RBM39: variants seen among roughly 807,000 people sequenced by gnomAD.
The protein encoded by RBM39 is RNA binding motif protein 39.
RBM39 carries 12 observed loss-of-function variants against 79.6 expected under a neutral mutation model. That is an observed-to-expected ratio of 0.15 (90% CI 0.10 to 0.24). The LOEUF is 0.24. Ranked by LOEUF, RBM39 falls within the 10% of genes least tolerant of loss-of-function variation. The pLI is 1.00. For synonymous variants in RBM39, 185 were observed against 208.4 expected, an observed-to-expected ratio of 0.89 and a Z score of 0.97; for missense variants, 243 against 653.4, an observed-to-expected ratio of 0.37 and a Z score of 6.85.
intron 11 of RBM39, chr20:35,713,634 T>G (rs2036727282): frequency 1.8e-5 from 2 of 110,532 alleles, no homozygotes; most frequent in Admixed American, 2.8e-4. Flanking sequence ...AGAAACCCCA[T>G]CTCTTAAAAA....
chr20:35,711,202 A>T (rs137979994), intron 12 of RBM39, among the ~76,000 whole-genome samples: 130 of 152,236 alleles, frequency 8.5e-4, no homozygotes, highest in African/African-American at 2.9e-3. Context: ...ATCTTTCACC[A>T]CCCTTTAGTG....
rs552984754 is a variant in RBM39, at chr20:35,703,302, T to C, written c.*1179A>G. ...GTTAAGCCATTTTGTTAAGTATGTA[T>C]TGTAAATGGTGAAAATTTCTTCATA... is the stretch of plus-strand genomic sequence containing the variant. On this transcript the variant is annotated 3_prime_UTR_variant, in exon 17 of 17. Coordinates refer to ENST00000253363, the MANE Select transcript of RBM39 (RefSeq NM_184234.3). 12 of 152,320 alleles carry C rather than the reference T, an allele frequency of 7.9e-5. No homozygotes were observed. Among genetic ancestry groups the C allele is most frequent in the Admixed American group, 3.3e-4 (5 of 15,296 alleles). The allele number at this position is 152,320 out of a possible 1,614,324, so 9.4% of individuals were successfully genotyped here. A position where few individuals can be genotyped will look rare whatever the true frequency, so the allele number is the denominator to read the frequency against.
chr20:35,716,912 TAGA>T (rs2037200243), intron 9 of RBM39, 107 bp from the exon 10 acceptor site: 4 of 678,836 alleles, frequency 5.9e-6, no homozygotes, highest in African/African-American at 1.9e-5. Context: ...TCCTCCAAAA[TAGA>T]AGACTTATCA....
intron 1 of RBM39, 41 bp downstream of exon 1, chr20:35,741,900 G>T: frequency 6.0e-6 from 1 of 166,626 alleles, no homozygotes; most frequent in South Asian, 1.0e-4. Flanking sequence ...GCCAAACCTC[G>T]AGAAAGCTGA....
intron 3 of RBM39, among the ~76,000 whole-genome samples, chr20:35,737,848 CAAAAAAAAA>C (rs35300439): frequency 6.4e-4 from 26 of 40,440 alleles, no homozygotes; most frequent in African/African-American, 1.8e-3. Flanking sequence ...GACTCCGTGT[CAAAAAAAAA>C]AAAAAAAAAA....
chr20:35,717,896 T>G (rs1186583741), intron 9 of RBM39, among the ~76,000 whole-genome samples: 1 of 152,014 alleles, frequency 6.6e-6, no homozygotes, highest in South Asian at 2.1e-4. Flanking sequence ...TCTCGCTCTG[T>G]GGCGCAGGCT....
intron 6 of RBM39, among the ~76,000 whole-genome samples, chr20:35,726,853 A>G (rs1177980402): frequency 2.0e-5 from 3 of 151,968 alleles, no homozygotes; most frequent in Non-Finnish European, 2.9e-5. Context: ...TTGGAAACGC[A>G]GTCTAGCTGT....
At chr20:35,712,459 A>AAAAG (rs1555890288) in intron 12 of RBM39, among the ~76,000 whole-genome samples, 1 of 22,792 alleles carries the variant, frequency 4.4e-5, no homozygotes, top group African/African-American at 1.4e-4. Flanking sequence ...AAAAAAAAAA[A>AAAAG]GGGGGCGGGG....
chr20:35,726,340 C>T (rs2146642558), intron 6 of RBM39, among the ~76,000 whole-genome samples: 1 of 151,130 alleles, frequency 6.6e-6, no homozygotes, highest in East Asian at 2.0e-4. Context: ...ACTGTGTTAG[C>T]CAGGATGGTC....
rs558534034 is a variant in RBM39 at position 35,737,295 on chromosome 20, C to T, written c.101+1673G>A. ...ATCCCAGCTGCTCGGGAGGCTGAGG[C>T]GGAAGAATCGCTTAAGCCCGGGTGG... On this transcript the variant is annotated intron_variant, in intron 3 of 16. Coordinates refer to ENST00000253363, the MANE Select transcript of RBM39 (RefSeq NM_184234.3). Among the ~76,000 whole-genome samples the T allele has an allele frequency of 4.7e-5, 7 of 150,346 alleles. No individual in the cohort carries two copies. The South Asian group carries it at 8.4e-4, about 18-fold the overall frequency.
chr20:35,725,285 T>C lies in RBM39; in HGVS notation c.417-130A>G, dbSNP rs1281198605. 24 of 602,544 alleles carry C rather than the reference T, an allele frequency of 4.0e-5. No homozygotes were observed. In the East Asian group the frequency reaches 6.9e-4, roughly 17 times the overall value. 37.3% of individuals were successfully genotyped at this position (602,544 alleles called of 1,614,324 possible). The stretch of plus-strand genomic sequence containing the variant: ...GGTTTTGGTTACATAGATGAGTTCT[T>C]TAATGGTGAATTCTGAGATTTTAGT... On this transcript the variant is annotated intron_variant, in intron 6 of 16. Coordinates refer to ENST00000253363, the MANE Select transcript of RBM39 (RefSeq NM_184234.3).
At chr20:35,733,227 C>T (rs951921233) in intron 3 of RBM39, among the ~76,000 whole-genome samples, 5 of 151,310 alleles carry the variant, frequency 3.3e-5, no homozygotes, top group South Asian at 2.1e-4. Context: ...TGCTTGAACC[C>T]GGGAGGTGGA....
chr20:35,705,099 C>A (rs2035556674), intron 15 of RBM39, 126 bp downstream of exon 15: 4 of 668,644 alleles, frequency 6.0e-6, no homozygotes, highest in African/African-American at 3.8e-5. Context: ...ATTAAAGCTA[C>A]TTTCAGGCAC....
rs2035363870 is a variant in RBM39 at position 35,703,169 on chromosome 20, A to G, written c.*1312T>C. 1 of 152,210 alleles carries G rather than the reference A, an allele frequency of 6.6e-6. No homozygotes were observed. Among genetic ancestry groups the G allele is most frequent in the Non-Finnish European group, 1.5e-5 (1 of 68,038 alleles). The allele number at this position is 152,210 out of a possible 1,614,324, so 9.4% of individuals were successfully genotyped here. On this transcript the variant is annotated 3_prime_UTR_variant, in exon 17 of 17. Coordinates refer to ENST00000253363, the MANE Select transcript of RBM39 (RefSeq NM_184234.3). The stretch of plus-strand genomic sequence containing the variant: ...TGAAGAGAATTGAGTATAAATGGTG[A>G]CAGCTTGCTTCCCAACTAGTATGAA...
chr20:35,738,331 G>T (rs2040193678), intron 3 of RBM39, among the ~76,000 whole-genome samples: 1 of 152,052 alleles, frequency 6.6e-6, no homozygotes, highest in Non-Finnish European at 1.5e-5. Context: ...TTCGTACACT[G>T]TTTTCTGTAC....
chr20:35,707,246 A>C (rs773595306), intron 13 of RBM39, 45 bp from the exon 14 acceptor site: 1 of 1,401,572 alleles, frequency 7.1e-7, no homozygotes, highest in East Asian at 2.3e-5. Flanking sequence ...AAATGCATGA[A>C]AGTATCCCTC....
chr20:35,740,897 G>GA lies in RBM39; in HGVS notation c.-13-11dup. 1 of 1,590,978 alleles carries GA rather than the reference G, an allele frequency of 6.3e-7. No individual in the cohort carries two copies. Among genetic ancestry groups the GA allele is most frequent in the Non-Finnish European group, 8.6e-7 (1 of 1,163,676 alleles). ...CATTTTCTCTAAACGCCTAGGAAGA[G>GA]AACAAGACAATTTCTTGAGTAAACA... is the stretch of plus-strand genomic sequence containing the variant. On this transcript the variant is annotated splice_polypyrimidine_tract_variant and intron_variant, in intron 1 of 16. Transcript: ENST00000253363.
chr20:35,733,792 C>T (rs567106129), intron 3 of RBM39, among the ~76,000 whole-genome samples: 3 of 152,182 alleles, frequency 2.0e-5, no homozygotes, highest in Non-Finnish European at 4.4e-5. Flanking sequence ...TCAACTTGAC[C>T]TTCACAGACC....
Position 35,702,819 on chromosome 20 carries a change from CTG to C in RBM39, c.*1660_*1661del, listed in dbSNP as rs145073134. 0.029 allele frequency: 4,486 copies of C among 152,260 alleles called. 100 individuals carry two copies. The highest frequency in any genetic ancestry group is 0.053 in the Admixed American group (814 of 15,284). The allele number at this position is 152,260 out of a possible 1,614,324, so 9.4% of individuals were successfully genotyped here. On this transcript the variant is annotated 3_prime_UTR_variant, in exon 17 of 17. Transcript: ENST00000253363. The stretch of plus-strand genomic sequence containing the variant: ...GCACCTGTCCCAGCTCTTCAGGAGA[CTG>C]AGGTGGGAGAATTGCTTGAACCTGG...
Sources: gnomAD v4.1 joint callset for allele counts (sites outside exome capture counted in the v4.1 genomes callset) on GRCh38, gnomAD v4.1.1 for gene constraint, MANE v1.5 for transcripts, NCBI Gene and HGNC (gene_info 2026-07-23, HGNC 2026-07-21) for gene names.